TNFRSF9: variants seen among roughly 807,000 people sequenced by gnomAD.
TNFRSF9 encodes the protein TNF receptor superfamily member 9, also known as tumor necrosis factor receptor superfamily member 9.
A neutral mutation model predicts 28.8 loss-of-function variants in TNFRSF9; 16 were observed. The observed-to-expected ratio is 0.55, with a 90% CI of 0.38 to 0.84. TNFRSF9 has a LOEUF of 0.84. Among genes scored for constraint, TNFRSF9 ranks in the 40% least tolerant of loss-of-function variants. The pLI, the probability that TNFRSF9 is intolerant of heterozygous loss-of-function variation, is 0.00. For synonymous variants in TNFRSF9, 131 were observed against 117.0 expected, an observed-to-expected ratio of 1.12 and a Z score of -0.77; for missense variants, 303 against 315.0, an observed-to-expected ratio of 0.96 and a Z score of 0.29.
intron 7 of TNFRSF9, among the ~76,000 whole-genome samples, chr1:7,927,041 T>C (rs2151414067): frequency 6.7e-6 from 1 of 149,870 alleles, no homozygotes; most frequent in African/African-American, 2.4e-5. Flanking sequence ...CTGAGCAACA[T>C]GGTGAGACTC....
At chr1:7,929,744 A>T (rs1639706891) in intron 7 of TNFRSF9, among the ~76,000 whole-genome samples, 1 of 152,112 alleles carries the variant, frequency 6.6e-6, no homozygotes, top group Admixed American at 6.6e-5. Context: ...CTCTGTGGTG[A>T]TGGATAGTTC....
rs1364641614 is a variant in TNFRSF9, at chr1:7,939,981, C to T, written c.14G>A (p.Cys5Tyr). The change falls in exon 2 of 8, where the codon TGT becomes TAT. Residue 5 changes from cysteine to tyrosine, a missense_variant. Transcript: ENST00000377507. ...CAACAGAGTGGCTACTATGTTGTAA[C>T]AGCTGTTTCCCATGATGAAATCTGG... MGNS[C>Y]YNIVATLLLV... The T allele has an allele frequency of 6.3e-7, 1 of 1,593,002 alleles. No individual in the cohort carries two copies. Among genetic ancestry groups the T allele is most frequent in the Non-Finnish European group, 8.6e-7 (1 of 1,163,160 alleles).
rs1015850090 is a variant in TNFRSF9, at chr1:7,924,348, C to T, written c.680-3425G>A. ...ATATATATATATAACCAGTTAAGGCCGGGTGTTGTGGCTCACACCTGTAAT... is the reference window on the plus strand; with the variant it reads ...ATATATATATATAACCAGTTAAGGCTGGGTGTTGTGGCTCACACCTGTAAT... On this transcript the variant is annotated intron_variant, in intron 7 of 7. Transcript: ENST00000377507. 1.7e-4 allele frequency among the ~76,000 whole-genome samples: 25 copies of T among 143,494 alleles called. 1 individual carries two copies. The highest frequency in any genetic ancestry group is 1.4e-3 in the Admixed American group (20 of 14,402). The allele number at this position is 143,494 out of a possible 152,430, so 94.1% of individuals were successfully genotyped here.
chr1:7,934,971 C>T (rs375503757), intron 6 of TNFRSF9, 42 bp downstream of exon 6: 4 of 1,609,112 alleles, frequency 2.5e-6, no homozygotes, highest in Non-Finnish European at 2.5e-6. Flanking sequence ...TCTGGAATCA[C>T]CATAAGATAC....
intron 6 of TNFRSF9, among the ~76,000 whole-genome samples, chr1:7,934,182 C>G (rs1211675599): frequency 6.6e-6 from 1 of 151,944 alleles, no homozygotes; most frequent in Non-Finnish European, 1.5e-5. Context: ...TTGAGAGCAG[C>G]CTGAGCAACA....
chr1:7,938,628 G>C (rs1223639921), intron 3 of TNFRSF9, 93 bp downstream of exon 3: 4 of 1,113,880 alleles, frequency 3.6e-6, no homozygotes, highest in Non-Finnish European at 5.1e-6. Context: ...TTTGACACTT[G>C]AGATTTTCAA....
In TNFRSF9 at chr1:7,917,453, A is replaced by G. The variant is rs1639496186; in HGVS notation, c.*3382T>C. 6.6e-6 allele frequency: 1 copy of G among 152,280 alleles called. No homozygotes were observed. Among genetic ancestry groups the G allele is most frequent in the African/African-American group, 2.4e-5 (1 of 41,464 alleles). 9.4% of individuals were successfully genotyped at this position (152,280 alleles called of 1,614,324 possible). ...CAGACCCGCAGGAGAAAGACGACGT[A>G]TTGAATACATGGCGCAGGGACCAGT... On this transcript the variant is annotated 3_prime_UTR_variant, in exon 8 of 8. Coordinates refer to ENST00000377507, the MANE Select transcript of TNFRSF9 (RefSeq NM_001561.6).
intron 7 of TNFRSF9, among the ~76,000 whole-genome samples, chr1:7,923,143 C>G (rs923578434): frequency 6.6e-6 from 1 of 152,012 alleles, no homozygotes; most frequent in African/African-American, 2.4e-5. Context: ...CCTTATGATC[C>G]GCCCATCTGG....
At position 7,939,568 on chromosome 1, in the gene TNFRSF9, C is replaced by T. The variant is rs746960207; in HGVS notation, c.100+327G>A. Among the ~76,000 whole-genome samples the T allele has an allele frequency of 3.3e-4, 51 of 152,254 alleles. No homozygotes were observed. In the Middle Eastern group the frequency reaches 0.014, roughly 41 times the overall value. ...GCTTACTCGCTGCTATGCCCCCAGT[C>T]GGAGCACAAAGCCCTACACACAAAA... On this transcript the variant is annotated intron_variant, in intron 2 of 7. Transcript: ENST00000377507.
chr1:7,937,029 C>T (rs574713656), intron 5 of TNFRSF9, among the ~76,000 whole-genome samples: 105 of 152,268 alleles, frequency 6.9e-4, no homozygotes, highest in African/African-American at 2.5e-3. Flanking sequence ...TGGAGGGTAA[C>T]GAGCAATTGT....
intron 1 of TNFRSF9, among the ~76,000 whole-genome samples, chr1:7,940,400 A>T (rs1319421227): frequency 6.6e-6 from 1 of 152,224 alleles, no homozygotes; most frequent in African/African-American, 2.4e-5. Context: ...CAATAATGCC[A>T]ATTACTTATT....
rs1639504110 is a variant in TNFRSF9 at position 7,917,973 on chromosome 1, TATAGATATAG to T, written c.*2852_*2861del. The T allele has an allele frequency of 3.5e-5, 5 of 144,178 alleles. No homozygotes were observed. The highest frequency in any genetic ancestry group is 1.4e-4 in the Admixed American group (2 of 14,638). The allele number at this position is 144,178 out of a possible 1,614,324, so 8.9% of individuals were successfully genotyped here. A position where few individuals can be genotyped will look rare whatever the true frequency, so the allele number is the denominator to read the frequency against. On this transcript the variant is annotated 3_prime_UTR_variant, in exon 8 of 8. Transcript: ENST00000377507. ...TACAAAGGATATATATATATATATA[TATAGATATAG>T]ATAGATAGATAGATAGATAGGCAGA...
intron 7 of TNFRSF9, among the ~76,000 whole-genome samples, chr1:7,930,762 C>T (rs959866852): frequency 6.6e-6 from 1 of 152,098 alleles, no homozygotes; most frequent in Non-Finnish European, 1.5e-5. Flanking sequence ...CAGTGAAACT[C>T]TGTCTCAAAA....
chr1:7,937,935 T>C (rs1008697765), intron 4 of TNFRSF9, among the ~76,000 whole-genome samples, 179 bp from the exon 5 acceptor site: 17 of 152,232 alleles, frequency 1.1e-4, no homozygotes, highest in Non-Finnish European at 1.9e-4. Context: ...TAAAGTATTG[T>C]ATATGTCTGG....
At chr1:7,927,419 C>T (rs926589180) in intron 7 of TNFRSF9, among the ~76,000 whole-genome samples, 11 of 152,184 alleles carry the variant, frequency 7.2e-5, no homozygotes, top group Non-Finnish European at 1.6e-4. Flanking sequence ...GGGCCCTTGT[C>T]CACTAGAGGC....
intron 1 of TNFRSF9, among the ~76,000 whole-genome samples, chr1:7,940,402 T>C (rs940086162): frequency 2.6e-5 from 4 of 152,206 alleles, no homozygotes; most frequent in Non-Finnish European, 5.9e-5. Flanking sequence ...ATAATGCCAA[T>C]TACTTATTGC....
intron 7 of TNFRSF9, among the ~76,000 whole-genome samples, chr1:7,931,357 C>G (rs1428765214): frequency 6.6e-6 from 1 of 152,272 alleles, no homozygotes; most frequent in Middle Eastern, 3.4e-3. Flanking sequence ...TGTAATAACC[C>G]CAAGCTGGAA....
intron 6 of TNFRSF9, 90 bp from the exon 7 acceptor site, chr1:7,933,386 C>A: frequency 6.9e-7 from 1 of 1,447,088 alleles, no homozygotes; most frequent in Non-Finnish European, 9.3e-7. Context: ...AATTTCTAAG[C>A]ATGAGAAGAA....
In TNFRSF9 at chr1:7,933,281, A is replaced by G; in HGVS notation, c.560T>C (p.Ile187Thr). 3 of 1,613,490 alleles carry G rather than the reference A, an allele frequency of 1.9e-6. No homozygotes were observed. Among genetic ancestry groups the G allele is most frequent in the Non-Finnish European group, 2.5e-6 (3 of 1,179,636 alleles). Reference protein sequence around the residue: ...PAREPGHSPQIISFFLALTST... With the variant: ...PAREPGHSPQTISFFLALTST... ...CGTCAGCGCAAGAAAGAAGGAGATG[A>G]TCTGCGGAGAGTGTCCTGCAAAACA... Residue 187 changes from isoleucine (I) to threonine (T), a missense_variant, in exon 7 of 8, where the codon ATC (isoleucine) becomes ACC (threonine). Physicochemically the swap from Ile to Thr is moderately conservative, Grantham distance 89 (BLOSUM62 -1). Transcript: ENST00000377507.
Sources: allele counts gnomAD v4.1 joint callset (sites outside exome capture counted in the v4.1 genomes callset), GRCh38; gene constraint gnomAD v4.1.1; transcripts MANE v1.5; gene names NCBI Gene and HGNC (gene_info 2026-07-23, HGNC 2026-07-21).